The following APLF variants were observed in gnomAD, a reference collection of about 807,000 sequenced individuals.
APLF encodes the protein aprataxin and PNK-like factor.
Under a neutral mutation model 55.6 loss-of-function variants are expected in APLF, and 61 were observed. The ratio of observed to expected loss-of-function variants is 1.10; its 90% CI spans 0.89 to 1.36. APLF has a LOEUF of 1.36. Ranked by LOEUF, APLF falls within the 40% of genes most tolerant of loss-of-function variation. The pLI, the probability that APLF is intolerant of heterozygous loss-of-function variation, is 0.00. For synonymous variants in APLF, 207 were observed against 214.8 expected (o/e 0.96, Z 0.32); for missense variants, 611 against 602.5 (o/e 1.01, Z -0.15).
intron 1 of APLF, among the ~76,000 whole-genome samples, chr2:68,478,171 A>G (rs540363179): frequency 2.0e-5 from 3 of 152,168 alleles, no homozygotes; most frequent in Non-Finnish European, 4.4e-5. Flanking sequence ...GGCAGAAAAA[A>G]AAAAGAAAAG....
chr2:68,517,312 A>G (rs1256379601), intron 5 of APLF, among the ~76,000 whole-genome samples: 2 of 121,890 alleles, frequency 1.6e-5, no homozygotes, highest in Admixed American at 8.8e-5. Flanking sequence ...ACTATATAAT[A>G]TATTAATATA....
At chr2:68,570,690 T>C (rs1479120021) in intron 9 of APLF, among the ~76,000 whole-genome samples, 1 of 152,192 alleles carries the variant, frequency 6.6e-6, no homozygotes, top group Non-Finnish European at 1.5e-5. Context: ...ATCCAGTCTA[T>C]CATTGTTGGA....
chr2:68,489,337 G>A (rs1029088115), intron 1 of APLF, among the ~76,000 whole-genome samples: 1 of 152,220 alleles, frequency 6.6e-6, no homozygotes, highest in Non-Finnish European at 1.5e-5. Flanking sequence ...TGAATATCAA[G>A]GTTACCAAGA....
rs558717100 is a variant in APLF, at chr2:68,475,032, C to G, written c.96+7205C>G. Reference sequence around the variant, plus strand: ...GCAAAGCCAGAGTTAAAAACTACTTCTAGACACACTAAGTAGAGTACTTGG... The same window carrying G: ...GCAAAGCCAGAGTTAAAAACTACTTGTAGACACACTAAGTAGAGTACTTGG... On this transcript the variant is annotated intron_variant, in intron 1 of 9. Coordinates refer to ENST00000303795, the MANE Select transcript of APLF (RefSeq NM_173545.3). Among the ~76,000 whole-genome samples, 3 of 152,290 alleles carry G rather than the reference C, an allele frequency of 2.0e-5. No homozygotes were observed. The East Asian group carries it at 5.8e-4, about 29-fold the overall frequency.
intron 2 of APLF, among the ~76,000 whole-genome samples, chr2:68,497,017 C>T (rs370972081): frequency 6.6e-5 from 10 of 152,272 alleles, no homozygotes; most frequent in African/African-American, 2.2e-4. Flanking sequence ...TAGCAATGTC[C>T]CAATTCCAGT....
chr2:68,552,844 C>T (rs1558551498), intron 8 of APLF, among the ~76,000 whole-genome samples: 5 of 151,846 alleles, frequency 3.3e-5, no homozygotes, highest in African/African-American at 7.3e-5. Flanking sequence ...TAGATGTATA[C>T]GTATAGATAT....
chr2:68,534,451 G>C (rs1433012072), intron 6 of APLF, among the ~76,000 whole-genome samples: 4 of 152,132 alleles, frequency 2.6e-5, no homozygotes, highest in Non-Finnish European at 5.9e-5. Flanking sequence ...GATTTAAATT[G>C]TTCTAGGTGG....
At chr2:68,470,676 A>AT (rs1452166824) in intron 1 of APLF, among the ~76,000 whole-genome samples, 3 of 152,130 alleles carry the variant, frequency 2.0e-5, no homozygotes, top group Non-Finnish European at 4.4e-5. Context: ...GATTTTTCTT[A>AT]TTTTGTTTTG....
At chr2:68,521,712 C>T (rs1669902474) in intron 5 of APLF, among the ~76,000 whole-genome samples, 1 of 151,906 alleles carries the variant, frequency 6.6e-6, no homozygotes, top group African/African-American at 2.4e-5. Context: ...CTATAGAGCT[C>T]TTCTTCCTGC....
Position 68,517,940 on chromosome 2 carries a change from C to T in APLF, c.622+4260C>T, listed in dbSNP as rs532139193. ...TCACTAATATGTGTTAATATATAAC[C>T]GTAATATATCACTAATATGTGTTAA... On this transcript the variant is annotated intron_variant, in intron 5 of 9. Transcript: ENST00000303795. 7.0e-5 allele frequency among the ~76,000 whole-genome samples: 7 copies of T among 99,642 alleles called. No individual in the cohort carries two copies. The South Asian group carries it at 2.6e-3, about 37-fold the overall frequency. 65.4% of individuals were successfully genotyped at this position (99,642 alleles called of 152,430 possible). A position where few individuals can be genotyped will look rare whatever the true frequency, so the allele number is the denominator to read the frequency against.
chr2:68,558,089 A>G (rs1194954602), intron 8 of APLF, among the ~76,000 whole-genome samples: 1 of 152,204 alleles, frequency 6.6e-6, no homozygotes, highest in Non-Finnish European at 1.5e-5. Context: ...GTTTTACATA[A>G]GACTCCGCTG....
At position 68,500,439 on chromosome 2, in the gene APLF, T is replaced by A. The variant is rs142090325; in HGVS notation, c.169-2292T>A. On this transcript the variant is annotated intron_variant, in intron 2 of 9. Coordinates refer to ENST00000303795, the MANE Select transcript of APLF (RefSeq NM_173545.3). ...AAACATACTCAAACAGAATATTGCG[T>A]GATCTCTGGGTTTGTGATGCTTTTG... 3.4e-3 allele frequency among the ~76,000 whole-genome samples: 516 copies of A among 152,322 alleles called. 4 individuals are homozygous for A. The highest frequency in any genetic ancestry group is 0.012 in the African/African-American group (502 of 41,570).
At chr2:68,555,113 G>A (rs1230602343) in intron 8 of APLF, among the ~76,000 whole-genome samples, 1 of 151,988 alleles carries the variant, frequency 6.6e-6, no homozygotes, top group Non-Finnish European at 1.5e-5. Flanking sequence ...CCACATGTAG[G>A]AAAATGAAAC....
chr2:68,534,927 T>G (rs1670347298), intron 6 of APLF, among the ~76,000 whole-genome samples: 1 of 152,226 alleles, frequency 6.6e-6, no homozygotes, highest in African/African-American at 2.4e-5. Flanking sequence ...TGTAATGGAT[T>G]TTGGGGTCAT....
At position 68,513,602 on chromosome 2, in the gene APLF, A is replaced by C. The variant is rs1422250057; in HGVS notation, c.544A>C (p.Arg182=). Residue 182 remains arginine (R), a synonymous_variant, in exon 5 of 10, where the codon AGG becomes CGG. Coordinates refer to ENST00000303795, the MANE Select transcript of APLF (RefSeq NM_173545.3). ...CNKQQPILAE[R]KRILPTWMLA... is the part of the protein sequence containing the mutation. ...TAAGCAGCAGCCAATCCTTGCCGAG[A>C]GGAAAAGAATCCTTCCAACTTGGAT... 2 of 1,611,488 alleles carry C rather than the reference A, an allele frequency of 1.2e-6. No individual in the cohort carries two copies. The highest frequency in any genetic ancestry group is 3.3e-5 in the Admixed American group (2 of 59,738).
intron 8 of APLF, among the ~76,000 whole-genome samples, chr2:68,547,078 G>A (rs148122213): frequency 6.6e-6 from 1 of 151,556 alleles, no homozygotes; most frequent in African/African-American, 2.4e-5. Context: ...AAAACCAATT[G>A]TATTTGTATA....
chr2:68,571,604 T>C (rs1671466281), intron 9 of APLF, among the ~76,000 whole-genome samples: 1 of 152,186 alleles, frequency 6.6e-6, no homozygotes, highest in Non-Finnish European at 1.5e-5. Context: ...CAGATAGTTG[T>C]AGATGTGTGG....
intron 8 of APLF, among the ~76,000 whole-genome samples, chr2:68,560,613 A>C (rs1671142870): frequency 6.6e-6 from 1 of 152,188 alleles, no homozygotes; most frequent in African/African-American, 2.4e-5. Context: ...TTTAAAATAC[A>C]GCAGCTCACA....
chr2:68,515,997 G>A lies in APLF; in HGVS notation c.622+2317G>A, dbSNP rs538151823. Among the ~76,000 whole-genome samples the A allele has an allele frequency of 2.6e-5, 4 of 151,834 alleles. No homozygotes were observed. In the East Asian group the frequency reaches 7.7e-4, roughly 29 times the overall value. On this transcript the variant is annotated intron_variant, in intron 5 of 9. Transcript: ENST00000303795. ...AAATTAATTCGCAGGATGCATTTTG[G>A]TTTATTCAGACATGAGTAACTTTCA... is the stretch of plus-strand genomic sequence containing the variant.
Sources: gnomAD v4.1 joint callset for allele counts (sites outside exome capture counted in the v4.1 genomes callset) on GRCh38, gnomAD v4.1.1 for gene constraint, MANE v1.5 for transcripts, NCBI Gene and HGNC (gene_info 2026-07-23, HGNC 2026-07-21) for gene names.